The following CLYBL variants were observed in gnomAD, a reference collection of about 807,000 sequenced individuals.
CLYBL encodes citramalyl-CoA lyase.
In CLYBL, 31 loss-of-function variants were observed where a neutral mutation model predicts 38.9. The observed-to-expected ratio is 0.80, with a 90% confidence interval of 0.60 to 1.08. CLYBL has a LOEUF of 1.08. Among genes scored for constraint, CLYBL ranks in the 50% least tolerant of loss-of-function variants. The pLI is 0.00. For missense variants in CLYBL, 434 were observed against 411.6 expected (o/e 1.05, Z -0.47); for synonymous variants, 171 against 158.6 (o/e 1.08, Z -0.59).
chr13:99,743,060 T>C (rs2048784725), intron 1 of CLYBL, among the ~76,000 whole-genome samples: 1 of 151,924 alleles, frequency 6.6e-6, no homozygotes, highest in African/African-American at 2.4e-5. Flanking sequence ...CTTTTTTTTT[T>C]TTCTTTGCAT....
chr13:99,780,984 G>T (rs1177255615), intron 2 of CLYBL, among the ~76,000 whole-genome samples: 3 of 151,790 alleles, frequency 2.0e-5, no homozygotes, highest in Non-Finnish European at 2.9e-5. Context: ...AAAGTGCTGG[G>T]ATTACAGGCA....
intron 1 of CLYBL, among the ~76,000 whole-genome samples, chr13:99,748,966 G>A (rs2048906643): frequency 6.6e-6 from 1 of 152,060 alleles, no homozygotes; most frequent in Admixed American, 6.5e-5. Context: ...ATCACCTGAG[G>A]TCAGGAGTTC....
intron 3 of CLYBL, among the ~76,000 whole-genome samples, chr13:99,861,929 T>G (rs1447245053): frequency 6.6e-6 from 1 of 152,202 alleles, no homozygotes; most frequent in Non-Finnish European, 1.5e-5. Flanking sequence ...CCTTAAGCAT[T>G]AGTTTTTTTA....
intron 1 of CLYBL, among the ~76,000 whole-genome samples, chr13:99,652,119 C>T (rs1175873668): frequency 6.6e-6 from 1 of 152,178 alleles, no homozygotes; most frequent in African/African-American, 2.4e-5. Context: ...CCAGGGTGCT[C>T]AGTCTGTAAC....
chr13:99,908,849 A>T (rs2052722853), exon 10 of CLYBL, among the ~76,000 whole-genome samples: 1 of 152,228 alleles, frequency 6.6e-6, no homozygotes, highest in African/African-American at 2.4e-5. Context: ...TGAATGAATG[A>T]ATCAGTGAGT....
intron 1 of CLYBL, among the ~76,000 whole-genome samples, chr13:99,630,863 A>G (rs1396092209): frequency 6.6e-6 from 1 of 152,190 alleles, no homozygotes; most frequent in Admixed American, 6.5e-5. Context: ...AGCAAGTGAG[A>G]TTCAGGGAAG....
intron 2 of CLYBL, among the ~76,000 whole-genome samples, chr13:99,779,496 A>C (rs1157704208): frequency 6.6e-6 from 1 of 152,212 alleles, no homozygotes; most frequent in African/African-American, 2.4e-5. Context: ...AATATAACAT[A>C]CAAAAGAGTG....
At chr13:99,878,813 T>C (rs1203223747) in intron 7 of CLYBL, among the ~76,000 whole-genome samples, 1 of 152,230 alleles carries the variant, frequency 6.6e-6, no homozygotes, top group East Asian at 1.9e-4. Flanking sequence ...GATTTCCTTG[T>C]GAAAAGATAT....
At chr13:99,834,181 A>G (rs918523957) in intron 2 of CLYBL, among the ~76,000 whole-genome samples, 2 of 152,104 alleles carry the variant, frequency 1.3e-5, no homozygotes, top group African/African-American at 4.8e-5. Context: ...GTGCTCCAAG[A>G]GGACTGGGAG....
chr13:99,607,897 C>G (rs1173900269), intron 1 of CLYBL, among the ~76,000 whole-genome samples: 1 of 151,946 alleles, frequency 6.6e-6, no homozygotes, highest in Non-Finnish European at 1.5e-5. Flanking sequence ...GTGTGCACCA[C>G]CACCCCTGGC....
chr13:99,654,712 A>G (rs2047303782), intron 1 of CLYBL, among the ~76,000 whole-genome samples: 1 of 152,216 alleles, frequency 6.6e-6, no homozygotes, highest in Non-Finnish European at 1.5e-5. Flanking sequence ...TTTTAACAAA[A>G]CTAAAATGTC....
intron 1 of CLYBL, among the ~76,000 whole-genome samples, chr13:99,677,534 G>T (rs2047671818): frequency 6.6e-6 from 1 of 152,072 alleles, no homozygotes; most frequent in South Asian, 2.1e-4. Flanking sequence ...GTGCTTTTTT[G>T]GCAGTAGTTA....
intron 1 of CLYBL, among the ~76,000 whole-genome samples, chr13:99,750,640 C>A (rs1247539291): frequency 6.7e-6 from 1 of 149,828 alleles, no homozygotes; most frequent in African/African-American, 2.5e-5. Context: ...TGCCACTGCA[C>A]TCCAGCCTGG....
At chr13:99,699,391 T>C (rs1451058192) in intron 1 of CLYBL, among the ~76,000 whole-genome samples, 4 of 149,026 alleles carry the variant, frequency 2.7e-5, no homozygotes, top group African/African-American at 7.5e-5. Flanking sequence ...GGTCTCTAAA[T>C]AAATAAATAA....
intron 1 of CLYBL, among the ~76,000 whole-genome samples, chr13:99,721,276 G>A (rs947818635): frequency 5.3e-5 from 8 of 151,154 alleles, no homozygotes; most frequent in Non-Finnish European, 1.2e-4. Context: ...AACTTTGACC[G>A]CAAGTGATCC....
chr13:99,876,026 T>A (rs1332506861), intron 7 of CLYBL, among the ~76,000 whole-genome samples: 1 of 151,172 alleles, frequency 6.6e-6, no homozygotes, highest in Admixed American at 6.6e-5. Context: ...AGCAAAGTAA[T>A]GAATTGCTAC....
chr13:99,771,815 C>T (rs954462915), intron 1 of CLYBL, among the ~76,000 whole-genome samples: 1 of 152,214 alleles, frequency 6.6e-6, no homozygotes. Flanking sequence ...GCTACACCCA[C>T]GACCATTTCA....
At chr13:99,872,063 C>T (rs1458917677) in intron 7 of CLYBL, among the ~76,000 whole-genome samples, 1 of 151,380 alleles carries the variant, frequency 6.6e-6, no homozygotes, top group Non-Finnish European at 1.5e-5. Flanking sequence ...CCATGTGAGA[C>T]ATGTCCCTCG....
intron 1 of CLYBL, among the ~76,000 whole-genome samples, chr13:99,684,537 G>A (rs967069370): frequency 6.6e-6 from 1 of 152,142 alleles, no homozygotes; most frequent in African/African-American, 2.4e-5. Flanking sequence ...TGGAAGGAAG[G>A]CAGGTTCTAC....
Sources: gnomAD v4.1 joint callset for allele counts (sites outside exome capture counted in the v4.1 genomes callset) on GRCh38, gnomAD v4.1.1 for gene constraint, MANE v1.5 for transcripts, NCBI Gene and HGNC (gene_info 2026-07-23, HGNC 2026-07-21) for gene names.